Variants in GALNT17 observed in about 807,000 individuals in gnomAD.
The protein encoded by GALNT17 is UDP-GalNAc:polypeptide N-acetylgalactosaminyltransferase-like 3.
In GALNT17, 29 loss-of-function variants were observed where a neutral mutation model predicts 63.7. That is an observed-to-expected ratio of 0.46 (90% CI 0.34 to 0.62). GALNT17 has a LOEUF of 0.62. Among genes scored for constraint, GALNT17 ranks in the 20% least tolerant of loss-of-function variants. The pLI is 0.01. For missense variants in GALNT17, 603 were observed against 799.6 expected, an observed-to-expected ratio of 0.75 and a Z score of 2.97; for synonymous variants, 305 against 318.3, an observed-to-expected ratio of 0.96 and a Z score of 0.45.
intron 1 of GALNT17, among the ~76,000 whole-genome samples, chr7:71,266,210 C>G (rs995493560): frequency 1.3e-5 from 2 of 152,148 alleles, no homozygotes; most frequent in Admixed American, 6.5e-5. Flanking sequence ...ATAGTCCCCC[C>G]CATCTCATGA....
intron 1 of GALNT17, among the ~76,000 whole-genome samples, chr7:71,329,215 C>G (rs1366156569): frequency 6.6e-6 from 1 of 152,066 alleles, no homozygotes; most frequent in Non-Finnish European, 1.5e-5. Context: ...GTGTCTCTTG[C>G]CTTGACCCTT....
chr7:71,458,380 C>CG, intron 5 of GALNT17, among the ~76,000 whole-genome samples: 1 of 152,110 alleles, frequency 6.6e-6, no homozygotes, highest in Non-Finnish European at 1.5e-5. Flanking sequence ...GGTGCAGGAG[C>CG]GGGGGCGAGT....
intron 6 of GALNT17, among the ~76,000 whole-genome samples, chr7:71,580,777 T>C (rs1298425597): frequency 6.6e-6 from 1 of 151,416 alleles, no homozygotes; most frequent in Non-Finnish European, 1.5e-5. Context: ...TTGGAGGAGG[T>C]TTGGGAGAAG....
chr7:71,408,154 G>A (rs1264241013), intron 3 of GALNT17, among the ~76,000 whole-genome samples: 1 of 152,166 alleles, frequency 6.6e-6, no homozygotes, highest in Non-Finnish European at 1.5e-5. Flanking sequence ...GTTCCACTAA[G>A]GCCCACTGAA....
intron 5 of GALNT17, among the ~76,000 whole-genome samples, chr7:71,477,424 C>T (rs972164415): frequency 6.6e-6 from 1 of 152,146 alleles, no homozygotes; most frequent in African/African-American, 2.4e-5. Context: ...TGTCACTGAT[C>T]GTTTCGAGGT....
chr7:71,185,459 A>C (rs1324237545), intron 1 of GALNT17, among the ~76,000 whole-genome samples: 1 of 151,234 alleles, frequency 6.6e-6, no homozygotes, highest in South Asian at 2.1e-4. Flanking sequence ...TGGCCTCCCA[A>C]AGTGCTGCGA....
At chr7:71,555,762 G>T (rs1317683593) in intron 5 of GALNT17, among the ~76,000 whole-genome samples, 4 of 152,238 alleles carry the variant, frequency 2.6e-5, no homozygotes, top group Admixed American at 2.6e-4. Context: ...AGGTGAGCCA[G>T]CAGTGAGCCC....
At chr7:71,180,255 A>C (rs983299569) in intron 1 of GALNT17, among the ~76,000 whole-genome samples, 4 of 151,878 alleles carry the variant, frequency 2.6e-5, no homozygotes, top group Admixed American at 6.6e-5. Flanking sequence ...CCTCCGTAGT[A>C]GCTGGGACTA....
chr7:71,618,219 A>T (rs907979978), intron 6 of GALNT17, among the ~76,000 whole-genome samples: 1 of 152,244 alleles, frequency 6.6e-6, no homozygotes, highest in South Asian at 2.1e-4. Context: ...TCTACCATTA[A>T]TGGGCTCTTG....
At chr7:71,291,677 A>G (rs769558357) in intron 1 of GALNT17, among the ~76,000 whole-genome samples, 1 of 152,166 alleles carries the variant, frequency 6.6e-6, no homozygotes, top group Non-Finnish European at 1.5e-5. Flanking sequence ...TGTTATGCGT[A>G]CCTTATATCC....
At chr7:71,149,356 T>C (rs1585839579) in intron 1 of GALNT17, among the ~76,000 whole-genome samples, 1 of 152,192 alleles carries the variant, frequency 6.6e-6, no homozygotes, top group African/African-American at 2.4e-5. Flanking sequence ...AAACAAATTG[T>C]CCAGAGGCAC....
chr7:71,455,325 G>A (rs573020332), intron 5 of GALNT17, among the ~76,000 whole-genome samples: 2 of 152,216 alleles, frequency 1.3e-5, no homozygotes, highest in South Asian at 4.2e-4. Flanking sequence ...GGCAGTTAGG[G>A]AGGGGGAGGT....
At chr7:71,180,983 G>A (rs755692918) in intron 1 of GALNT17, among the ~76,000 whole-genome samples, 1 of 152,144 alleles carries the variant, frequency 6.6e-6, no homozygotes, top group Non-Finnish European at 1.5e-5. Context: ...GGCCAGGTGC[G>A]GTGGCTCACT....
chr7:71,587,131 G>A (rs985984937), intron 6 of GALNT17, among the ~76,000 whole-genome samples: 11 of 152,166 alleles, frequency 7.2e-5, no homozygotes, highest in African/African-American at 2.4e-4. Flanking sequence ...GGGTTCAAGC[G>A]ATTCTCCTGC....
chr7:71,609,786 CAAT>C (rs975599841), intron 6 of GALNT17, among the ~76,000 whole-genome samples: 3 of 151,720 alleles, frequency 2.0e-5, no homozygotes, highest in Non-Finnish European at 4.4e-5. Flanking sequence ...ACCATATAGT[CAAT>C]AATAACTTAA....
intron 1 of GALNT17, among the ~76,000 whole-genome samples, chr7:71,230,390 A>G (rs1359208111): frequency 6.6e-6 from 1 of 152,200 alleles, no homozygotes; most frequent in Non-Finnish European, 1.5e-5. Context: ...AGAGGCTACC[A>G]TAGCTCCAGG....
chr7:71,565,380 T>C (rs1371252821), intron 5 of GALNT17, among the ~76,000 whole-genome samples: 1 of 152,128 alleles, frequency 6.6e-6, no homozygotes, highest in African/African-American at 2.4e-5. Context: ...GGTGATGTGA[T>C]GAGCTTCTGA....
At chr7:71,314,275 G>C (rs879684951) in intron 1 of GALNT17, among the ~76,000 whole-genome samples, 1 of 152,054 alleles carries the variant, frequency 6.6e-6, no homozygotes, top group South Asian at 2.1e-4. Flanking sequence ...GTGTGTGTCC[G>C]TGTCCATGAC....
At chr7:71,478,954 G>C (rs1787769045) in intron 5 of GALNT17, among the ~76,000 whole-genome samples, 1 of 152,148 alleles carries the variant, frequency 6.6e-6, no homozygotes. Context: ...TGGTTCTGGA[G>C]ACCATAAGTA....
Sources: gnomAD v4.1 joint callset for allele counts (sites outside exome capture counted in the v4.1 genomes callset) on GRCh38, gnomAD v4.1.1 for gene constraint, MANE v1.5 for transcripts, NCBI Gene and HGNC (gene_info 2026-07-23, HGNC 2026-07-21) for gene names.